PRKCH: variants seen among roughly 807,000 people sequenced by gnomAD.
PRKCH encodes protein kinase C eta, also known as protein kinase C eta type.
In PRKCH, 28 loss-of-function variants were observed where a neutral mutation model predicts 82.5. That is an observed-to-expected ratio of 0.34 (90% confidence interval 0.25 to 0.47). PRKCH has a LOEUF of 0.47. Among genes scored for constraint, PRKCH ranks in the 20% least tolerant of loss-of-function variants. PRKCH has a pLI of 1.00. For synonymous variants in PRKCH, 322 were observed against 327.4 expected, an observed-to-expected ratio of 0.98 and a Z score of 0.18; for missense variants, 705 against 881.8, an observed-to-expected ratio of 0.80 and a Z score of 2.54.
intron 2 of PRKCH, among the ~76,000 whole-genome samples, chr14:61,397,238 A>T (rs2046799363): frequency 6.6e-6 from 1 of 152,214 alleles, no homozygotes; most frequent in Admixed American, 6.5e-5. Context: ...GGATGAAGAA[A>T]GAGGAGTCTC....
intron 13 of PRKCH, among the ~76,000 whole-genome samples, chr14:61,548,426 C>T (rs775565454): frequency 7.9e-5 from 12 of 152,356 alleles, no homozygotes; most frequent in African/African-American, 2.4e-4. Flanking sequence ...TCCAGGGGCT[C>T]CTCTCCAAGC....
chr14:61,499,538 C>T (rs1023532354), intron 10 of PRKCH, among the ~76,000 whole-genome samples: 1 of 152,122 alleles, frequency 6.6e-6, no homozygotes, highest in African/African-American at 2.4e-5. Flanking sequence ...GCTCCTCTGG[C>T]CTCCAGAGTA....
chr14:61,452,544 C>G (rs1427080759), intron 6 of PRKCH, among the ~76,000 whole-genome samples: 3 of 152,190 alleles, frequency 2.0e-5, no homozygotes, highest in African/African-American at 7.2e-5. Context: ...GCCTCAGGAG[C>G]TTAGCTTTCT....
At position 61,267,117 on chromosome 14, in the gene PRKCH, C is replaced by T. The variant is rs116507553; in HGVS notation, c.-19+79449C>T. ...TGGCTCAGTCTTCACTCTGACAATACGTTCACAATAATGGAAGACATCTTT... is the reference window on the plus strand; with the variant it reads ...TGGCTCAGTCTTCACTCTGACAATATGTTCACAATAATGGAAGACATCTTT... On this transcript the variant is annotated intron_variant, in intron 1 of 3. Coordinates refer to the PRKCH transcript ENST00000555185. 5.4e-3 allele frequency among the ~76,000 whole-genome samples: 828 copies of T among 152,282 alleles called. 2 individuals are homozygous for T. The highest frequency in any genetic ancestry group is 0.019 in the African/African-American group (780 of 41,556).
intron 12 of PRKCH, among the ~76,000 whole-genome samples, chr14:61,535,840 T>G (rs1195246352): frequency 6.6e-6 from 1 of 152,180 alleles, no homozygotes; most frequent in African/African-American, 2.4e-5. Flanking sequence ...GAGAAACAGA[T>G]GAAACAATAT....
At chr14:61,466,562 T>C (rs1360835356) in intron 9 of PRKCH, among the ~76,000 whole-genome samples, 1 of 152,104 alleles carries the variant, frequency 6.6e-6, no homozygotes, top group African/African-American at 2.4e-5. Context: ...TAAATATTGG[T>C]CTGAGGCTTT....
At position 61,538,565 on chromosome 14, in the gene PRKCH, A is replaced by G. The variant is rs181129524; in HGVS notation, c.1761+7970A>G. 3.2e-3 allele frequency among the ~76,000 whole-genome samples: 492 copies of G among 152,344 alleles called. 3 individuals carry two copies. Among genetic ancestry groups the G allele is most frequent in the African/African-American group, 0.011 (468 of 41,580 alleles). ...GGATTTTTTAAAATGTATTTTTAATAGAGTACTCATGCTGCATGTCTCATT... is the reference window on the plus strand; with the variant it reads ...GGATTTTTTAAAATGTATTTTTAATGGAGTACTCATGCTGCATGTCTCATT... On this transcript the variant is annotated intron_variant, in intron 12 of 13. Coordinates refer to ENST00000332981, the MANE Select transcript of PRKCH (RefSeq NM_006255.5).
At chr14:61,306,093 G>A (rs1265640736) in intron 1 of PRKCH, 1 of 152,162 alleles carries the variant, frequency 6.6e-6, no homozygotes, top group African/African-American at 2.4e-5. Flanking sequence ...CCTGAGACAT[G>A]GCCCTTTGTC....
intron 2 of PRKCH, among the ~76,000 whole-genome samples, chr14:61,397,693 C>G (rs1263815519): frequency 6.6e-6 from 1 of 152,128 alleles, no homozygotes; most frequent in Admixed American, 6.6e-5. Context: ...GATTGTTTAC[C>G]GTCTTCCAAA....
intron 1 of PRKCH, among the ~76,000 whole-genome samples, chr14:61,228,239 T>G (rs1270008838): frequency 1.3e-5 from 2 of 152,198 alleles, no homozygotes; most frequent in Admixed American, 6.5e-5. Flanking sequence ...AGTCCAGTCA[T>G]TTTTACAAAT....
chr14:61,548,827 G>A (rs539960806), intron 13 of PRKCH, among the ~76,000 whole-genome samples: 13 of 142,534 alleles, frequency 9.1e-5, no homozygotes, highest in African/African-American at 2.1e-4. Flanking sequence ...TGCGTCATGC[G>A]CTCCAGCCTG....
At chr14:61,451,967 G>T (rs1433183189) in intron 6 of PRKCH, among the ~76,000 whole-genome samples, 1 of 152,196 alleles carries the variant, frequency 6.6e-6, no homozygotes, top group Non-Finnish European at 1.5e-5. Context: ...ATAACTTGTA[G>T]GGCGTTGGTC....
At chr14:61,474,786 G>A (rs1885657317) in intron 9 of PRKCH, among the ~76,000 whole-genome samples, 1 of 152,184 alleles carries the variant, frequency 6.6e-6, no homozygotes, top group African/African-American at 2.4e-5. Flanking sequence ...CCAGCCAGAG[G>A]ACCAGAGAAG....
chr14:61,453,381 C>G (rs761319889), intron 7 of PRKCH, 28 bp downstream of exon 7: 1 of 1,605,796 alleles, frequency 6.2e-7, no homozygotes, highest in Non-Finnish European at 8.5e-7. Flanking sequence ...TTCCATGTCT[C>G]GTAATTTAGA....
intron 1 of PRKCH, among the ~76,000 whole-genome samples, chr14:61,341,391 A>G (rs2045928314): frequency 6.6e-6 from 1 of 152,228 alleles, no homozygotes; most frequent in South Asian, 2.1e-4. Flanking sequence ...AATAAGTTAC[A>G]TAGAAAAAAT....
chr14:61,497,223 T>C (rs1177112250), intron 10 of PRKCH, among the ~76,000 whole-genome samples: 1 of 152,170 alleles, frequency 6.6e-6, no homozygotes, highest in East Asian at 1.9e-4. Context: ...GTTTCCAGTC[T>C]TGGTTCTGCC....
chr14:61,534,312 C>T (rs2043079917), intron 12 of PRKCH, among the ~76,000 whole-genome samples: 1 of 152,212 alleles, frequency 6.6e-6, no homozygotes, highest in South Asian at 2.1e-4. Flanking sequence ...GGAAGCAACC[C>T]ATGTGTCCAT....
chr14:61,391,217 C>G lies in PRKCH; in HGVS notation c.364-8C>G. 3.1e-6 allele frequency: 5 copies of G among 1,599,920 alleles called. No individual in the cohort carries two copies. The highest frequency in any genetic ancestry group is 4.3e-6 in the Non-Finnish European group (5 of 1,173,474). On this transcript the variant is annotated splice_region_variant and splice_polypyrimidine_tract_variant and intron_variant, in intron 1 of 13. Coordinates refer to ENST00000332981, the MANE Select transcript of PRKCH (RefSeq NM_006255.5). The stretch of plus-strand genomic sequence containing the variant: ...ACATATAATATACATTTTTTTTTCT[C>G]TTTGTAGGTGGATCTCGAGCCAGAG...
chr14:61,293,772 A>G (rs987526628), intron 1 of PRKCH, among the ~76,000 whole-genome samples: 4 of 152,176 alleles, frequency 2.6e-5, no homozygotes, highest in African/African-American at 9.7e-5. Flanking sequence ...TGCAAACTGA[A>G]AAGTTAGTTT....
Sources: allele counts gnomAD v4.1 joint callset (sites outside exome capture counted in the v4.1 genomes callset), GRCh38; gene constraint gnomAD v4.1.1; transcripts MANE v1.5; gene names NCBI Gene and HGNC (gene_info 2026-07-23, HGNC 2026-07-21).